ACSL5: variants seen among roughly 807,000 people sequenced by gnomAD.
The protein encoded by ACSL5 is acyl-CoA synthetase long chain family member 5.
In ACSL5, 50 loss-of-function variants were observed where a neutral mutation model predicts 84.9. That is an observed-to-expected ratio of 0.59 (90% confidence interval 0.47 to 0.75). ACSL5 has a LOEUF of 0.75. Ranked by LOEUF, ACSL5 falls within the 30% of genes least tolerant of loss-of-function variation. The pLI is 0.00. For synonymous variants in ACSL5, 280 were observed against 300.7 expected (o/e 0.93, Z 0.71); for missense variants, 775 against 830.4 (o/e 0.93, Z 0.82).
intron 1 of ACSL5, among the ~76,000 whole-genome samples, chr10:112,393,909 T>A (rs1353106163): frequency 6.6e-6 from 1 of 152,240 alleles, no homozygotes; most frequent in African/African-American, 2.4e-5. Flanking sequence ...TAGTGTTGTT[T>A]GGCCTAAATT....
chr10:112,406,019 G>C (rs1312705265), intron 5 of ACSL5, among the ~76,000 whole-genome samples: 1 of 151,930 alleles, frequency 6.6e-6, no homozygotes, highest in Non-Finnish European at 1.5e-5. Context: ...AGAGGAGATG[G>C]AAAGAGAGGC....
intron 1 of ACSL5, among the ~76,000 whole-genome samples, chr10:112,380,618 T>G (rs1564729278): frequency 6.6e-6 from 1 of 152,138 alleles, no homozygotes; most frequent in African/African-American, 2.4e-5. Flanking sequence ...CCATCCAACC[T>G]AATGAGATGA....
chr10:112,391,696 A>G (rs1190168393), intron 1 of ACSL5, among the ~76,000 whole-genome samples: 1 of 152,236 alleles, frequency 6.6e-6, no homozygotes, highest in Admixed American at 6.5e-5. Context: ...AAATTAAACT[A>G]TGAAATGTGT....
chr10:112,391,011 A>G (rs767563501), intron 1 of ACSL5, among the ~76,000 whole-genome samples: 7 of 152,216 alleles, frequency 4.6e-5, no homozygotes, highest in East Asian at 1.9e-4. Context: ...TTGTGAATGT[A>G]CTAAATACTG....
At chr10:112,418,533 G>C (rs1233656003) in intron 14 of ACSL5, among the ~76,000 whole-genome samples, 1 of 152,034 alleles carries the variant, frequency 6.6e-6, no homozygotes, top group Non-Finnish European at 1.5e-5. Context: ...AGTGAGCTGA[G>C]ATTGCGCCAC....
rs552226233 is a variant in ACSL5 at position 112,406,943 on chromosome 10, G to A, written c.433-1479G>A. On this transcript the variant is annotated intron_variant, in intron 5 of 20. Transcript: ENST00000354655. The stretch of plus-strand genomic sequence containing the variant: ...ATACCTAAGACCTGGAAGAAGAGGA[G>A]GTTTAATTGGACTTACAGTTCCACA... Among the ~76,000 whole-genome samples, 21 of 152,236 alleles carry A rather than the reference G, an allele frequency of 1.4e-4. No individual in the cohort carries two copies. In the South Asian group the frequency reaches 4.3e-3, roughly 32 times the overall value.
intron 20 of ACSL5, 94 bp from the exon 21 acceptor site, chr10:112,427,124 C>G (rs2133697985): frequency 1.5e-6 from 2 of 1,314,274 alleles, no homozygotes; most frequent in Non-Finnish European, 1.0e-6. Flanking sequence ...CCTTTCACTG[C>G]ATCAACCTCA....
chr10:112,375,239 C>T (rs1016081203), intron 1 of ACSL5: 2 of 152,056 alleles, frequency 1.3e-5, no homozygotes, highest in East Asian at 1.9e-4. Flanking sequence ...AAGCAAATGA[C>T]AAGTGCTCCT....
chr10:112,401,224 A>T (rs879911969), intron 3 of ACSL5, among the ~76,000 whole-genome samples: 1 of 152,150 alleles, frequency 6.6e-6, no homozygotes, highest in Non-Finnish European at 1.5e-5. Flanking sequence ...TCAAAAAAAT[A>T]AAAAAAGAAA....
At position 112,404,575 on chromosome 10, in the gene ACSL5, G is replaced by A. The variant is rs1843986521; in HGVS notation, c.330G>A (p.Gln110=). The change falls in exon 4 of 21, where the codon CAG becomes CAA. Residue 110 remains glutamine, a splice_region_variant and synonymous_variant. Coordinates refer to ENST00000354655, the MANE Select transcript of ACSL5 (RefSeq NM_203379.2). ...CCTACAGATGGCTATCTTACAAACA[G>A]GTAAGTTGAGTCCATGTTTTTAGAC... ...NQPYRWLSYK[Q]VSDRAEYLGS... 2 of 1,612,210 alleles carry A rather than the reference G, an allele frequency of 1.2e-6. No individual in the cohort carries two copies. Among genetic ancestry groups the A allele is most frequent in the Non-Finnish European group, 1.7e-6 (2 of 1,178,452 alleles).
At chr10:112,421,703 TGG>T in intron 15 of ACSL5, 38 bp downstream of exon 15, 1 of 1,580,678 alleles carries the variant, frequency 6.3e-7, no homozygotes, top group Non-Finnish European at 8.7e-7. Context: ...GTGCCATGGT[TGG>T]GAGAAAGGTT....
Position 112,409,585 on chromosome 10 carries a change from C to T in ACSL5, c.611C>T (p.Pro204Leu), listed in dbSNP as rs372412812. The T allele has an allele frequency of 4.9e-5, 79 of 1,613,968 alleles. No individual in the cohort carries two copies. Among genetic ancestry groups the T allele is most frequent in the Non-Finnish European group, 6.2e-5 (73 of 1,179,994 alleles). The change falls in exon 7 of 21, where the codon CCG (proline) becomes CTG (leucine). Residue 204 changes from proline (P) to leucine (L), a missense_variant. Transcript: ENST00000354655. ...LIGNVEKGFT[P>L]SLKVIILMDP... ...GGGAATGTAGAGAAAGGCTTCACCC[C>T]GAGCCTGAAGGTGATCATCCTTATG...
chr10:112,375,124 G>A (rs566027592), intron 1 of ACSL5: 2 of 152,260 alleles, frequency 1.3e-5, no homozygotes, highest in African/African-American at 2.4e-5. Context: ...AGCACCCGGT[G>A]AAGGGCTCAG....
intron 1 of ACSL5, among the ~76,000 whole-genome samples, chr10:112,385,687 G>A (rs1268827635): frequency 6.6e-6 from 1 of 152,112 alleles, no homozygotes; most frequent in African/African-American, 2.4e-5. Context: ...TTTCATTGTT[G>A]TCTGAGTTTC....
chr10:112,418,632 A>T (rs1388948520), intron 14 of ACSL5, among the ~76,000 whole-genome samples: 1 of 152,194 alleles, frequency 6.6e-6, no homozygotes, highest in African/African-American at 2.4e-5. Context: ...CTTAACTACT[A>T]GTAGACTACT....
rs751135222 is a variant in ACSL5, at chr10:112,409,702, T to A, written c.711+17T>A. The A allele has an allele frequency of 3.7e-6, 6 of 1,611,834 alleles. No individual in the cohort carries two copies. The highest frequency in any genetic ancestry group is 5.1e-6 in the Non-Finnish European group (6 of 1,178,256). The stretch of plus-strand genomic sequence containing the variant: ...GATGCTGAGGTATGGATCTGAAATT[T>A]AGCTTGCAGCTCCAATGCTTGTCCA... On this transcript the variant is annotated intron_variant, in intron 7 of 20. Transcript: ENST00000354655.
intron 1 of ACSL5, among the ~76,000 whole-genome samples, chr10:112,389,952 G>A (rs1227701571): frequency 6.6e-6 from 1 of 152,146 alleles, no homozygotes; most frequent in African/African-American, 2.4e-5. Flanking sequence ...CTATACACCA[G>A]GCACAGTGGC....
chr10:112,388,126 G>C (rs1291436146), intron 1 of ACSL5, among the ~76,000 whole-genome samples: 7 of 152,084 alleles, frequency 4.6e-5, no homozygotes, highest in Non-Finnish European at 1.0e-4. Context: ...TTTTGGTAGA[G>C]ATGGGGTTTC....
chr10:112,407,234 A>G (rs1229285388), intron 5 of ACSL5, among the ~76,000 whole-genome samples: 1 of 151,708 alleles, frequency 6.6e-6, no homozygotes, highest in Non-Finnish European at 1.5e-5. Context: ...TTATTTATTT[A>G]TTTTTTGTGA....
Sources: gnomAD v4.1 joint callset for allele counts (sites outside exome capture counted in the v4.1 genomes callset) on GRCh38, gnomAD v4.1.1 for gene constraint, MANE v1.5 for transcripts, NCBI Gene and HGNC (gene_info 2026-07-23, HGNC 2026-07-21) for gene names.